The following SGCE variants were observed in gnomAD, a reference collection of about 807,000 sequenced individuals.
SGCE encodes epsilon-sarcoglycan.
SGCE carries 26 observed loss-of-function variants against 57.8 expected under a neutral mutation model. The ratio of observed to expected loss-of-function variants is 0.45; its 90% CI spans 0.33 to 0.62. The LOEUF (loss-of-function observed/expected upper bound fraction) is 0.62. Among genes scored for constraint, SGCE ranks in the 20% least tolerant of loss-of-function variants. The probability of loss-of-function intolerance (pLI) is 0.02; values close to 1 mark genes in which losing one functional copy is unlikely to be tolerated. For missense variants in SGCE, 468 were observed against 548.6 expected (o/e 0.85, Z 1.47); for synonymous variants, 183 against 189.5 (o/e 0.97, Z 0.28).
intron 1 of SGCE, among the ~76,000 whole-genome samples, chr7:94,632,622 C>T (rs928876636): frequency 6.6e-6 from 1 of 152,082 alleles, no homozygotes; most frequent in East Asian, 1.9e-4. Context: ...GACTAAGCCA[C>T]TATGTTTTGT....
Position 94,598,980 on chromosome 7 carries a change from TAAAAC to T in SGCE, c.1065-22_1065-18del, listed in dbSNP as rs766688362. 4.4e-6 allele frequency: 7 copies of T among 1,593,982 alleles called. No individual in the cohort carries two copies. Among genetic ancestry groups the T allele is most frequent in the Middle Eastern group, 1.7e-4 (1 of 6,042 alleles). On this transcript the variant is annotated intron_variant, in intron 8 of 10. Transcript: ENST00000648936. ...AGTTGGATGCTAGGTCAAAAAGAAA[TAAAAC>T]AACATATATTTAAAATCATATATTA...
chr7:94,616,041 C>G (rs73720693), intron 5 of SGCE, among the ~76,000 whole-genome samples: 436 of 152,266 alleles, frequency 2.9e-3, no homozygotes, highest in African/African-American at 0.01. Context: ...TGAAGTAAAT[C>G]TTCATAATCA....
intron 1 of SGCE, among the ~76,000 whole-genome samples, chr7:94,649,445 A>T (rs1218686733): frequency 2.0e-5 from 3 of 152,202 alleles, no homozygotes; most frequent in Non-Finnish European, 4.4e-5. Flanking sequence ...CTTCCAAAGC[A>T]GGGGAGCCAG....
At chr7:94,652,077 A>G (rs564772868) in intron 1 of SGCE, among the ~76,000 whole-genome samples, 75 of 152,120 alleles carry the variant, frequency 4.9e-4, no homozygotes, top group Non-Finnish European at 9.7e-4. Flanking sequence ...TGCTCCTCAC[A>G]TCTGTCTGTC....
intron 5 of SGCE, among the ~76,000 whole-genome samples, chr7:94,608,357 A>C (rs1256219625): frequency 2.6e-5 from 4 of 152,280 alleles, no homozygotes; most frequent in Middle Eastern, 6.8e-3. Context: ...TATAAATATA[A>C]GTCTAATAAA....
intron 10 of SGCE, chr7:94,588,469 C>G: frequency 1.5e-6 from 2 of 1,363,530 alleles, no homozygotes; most frequent in South Asian, 3.3e-5. Context: ...TCCATGGATG[C>G]TTTTGCTCTA....
chr7:94,600,517 G>A (rs896208592), intron 7 of SGCE, 129 bp downstream of exon 7: 23 of 702,344 alleles, frequency 3.3e-5, no homozygotes, highest in South Asian at 8.3e-5. Flanking sequence ...AAGTATTGCA[G>A]TTTGGACACA....
chr7:94,614,052 T>C (rs1037856907), intron 5 of SGCE, among the ~76,000 whole-genome samples: 3 of 149,834 alleles, frequency 2.0e-5, no homozygotes, highest in Non-Finnish European at 4.4e-5. Context: ...AATAATTCTC[T>C]TGCAAGCCAG....
At chr7:94,648,584 C>T (rs549407287) in intron 1 of SGCE, among the ~76,000 whole-genome samples, 18 of 152,224 alleles carry the variant, frequency 1.2e-4, no homozygotes, top group African/African-American at 4.3e-4. Flanking sequence ...CTGATAAGCA[C>T]ATGTAGTCAT....
At chr7:94,612,755 C>G (rs1294910090) in intron 5 of SGCE, among the ~76,000 whole-genome samples, 1 of 152,084 alleles carries the variant, frequency 6.6e-6, no homozygotes, top group Admixed American at 6.6e-5. Context: ...ATGTTCCAAA[C>G]TGAGCTCATC....
chr7:94,651,709 G>T (rs1307512857), intron 1 of SGCE, among the ~76,000 whole-genome samples: 1 of 152,166 alleles, frequency 6.6e-6, no homozygotes, highest in Admixed American at 6.5e-5. Flanking sequence ...TCAGTCTGTG[G>T]AAACTGGAGA....
chr7:94,605,771 C>T (rs1021500591), intron 5 of SGCE, among the ~76,000 whole-genome samples: 3 of 151,830 alleles, frequency 2.0e-5, no homozygotes, highest in Non-Finnish European at 2.9e-5. Context: ...AAAATAGAAA[C>T]AAAAAACAAA....
At chr7:94,655,593 G>T (rs112318154) in intron 1 of SGCE, among the ~76,000 whole-genome samples, 78 of 152,270 alleles carry the variant, frequency 5.1e-4, no homozygotes, top group Non-Finnish European at 8.4e-4. Flanking sequence ...CATCGCGGTC[G>T]CAGAGCCCAA....
At chr7:94,591,729 C>T (rs1261855097) in intron 9 of SGCE, among the ~76,000 whole-genome samples, 1 of 152,100 alleles carries the variant, frequency 6.6e-6, no homozygotes, top group Non-Finnish European at 1.5e-5. Flanking sequence ...TTCTAGCCTC[C>T]GTTTTTTCCT....
At chr7:94,624,173 A>C (rs572807880) in intron 3 of SGCE, 10 of 397,978 alleles carry the variant, frequency 2.5e-5, no homozygotes, top group African/African-American at 1.4e-4. Context: ...AAAAAAAAAA[A>C]AAAAAACAAA....
At chr7:94,649,930 T>C (rs983331207) in intron 1 of SGCE, among the ~76,000 whole-genome samples, 2 of 152,218 alleles carry the variant, frequency 1.3e-5, no homozygotes, top group Admixed American at 6.5e-5. Context: ...ATAGCTTTTG[T>C]AGAATCCGAA....
intron 1 of SGCE, among the ~76,000 whole-genome samples, chr7:94,634,050 C>A (rs138486956): frequency 2.0e-5 from 3 of 152,256 alleles, no homozygotes; most frequent in East Asian, 1.9e-4. Context: ...CTTCTGAAAT[C>A]TTTGAGAAGA....
Position 94,629,728 on chromosome 7 carries a change from G to A in SGCE, c.223C>T (p.Pro75Ser). Reference protein sequence around the residue: ...EYFKGEFPPYPKPGEISNDPI... With the variant: ...EYFKGEFPPYSKPGEISNDPI... Reference sequence around the variant, plus strand: ...CTCACAAAGAACATACCAGGTTTTGGGTAAGGTGGAAATTCCCCCTTAAAA... The same window carrying A: ...CTCACAAAGAACATACCAGGTTTTGAGTAAGGTGGAAATTCCCCCTTAAAA... Residue 75 changes from proline to serine, a missense_variant, in exon 2 of 11, where the codon CCA (proline) becomes TCA (serine). Coordinates refer to ENST00000648936, the MANE Select transcript of SGCE (RefSeq NM_003919.3). 1 of 1,610,896 alleles carries A rather than the reference G, an allele frequency of 6.2e-7. No homozygotes were observed. The highest frequency in any genetic ancestry group is 8.5e-7 in the Non-Finnish European group (1 of 1,177,698).
Position 94,656,092 on chromosome 7 carries a change from A to G in SGCE, c.7T>C (p.Leu3=), listed in dbSNP as rs1484799075. 6.2e-7 allele frequency: 1 copy of G among 1,604,064 alleles called. No individual in the cohort carries two copies. The highest frequency in any genetic ancestry group is 8.5e-7 in the Non-Finnish European group (1 of 1,171,066). The change falls in exon 1 of 11, where the codon TTG becomes CTG. Residue 3 remains leucine, a synonymous_variant. Transcript: ENST00000648936. ...TCTCCCAGCTCCCACCACCGGGGCA[A>G]TTGCATTCTTGGCCTGGCTAGGCCG... MQ[L]PRWWELGDPC... is the part of the protein sequence containing the mutation.
Sources: gnomAD v4.1 joint callset for allele counts (sites outside exome capture counted in the v4.1 genomes callset) on GRCh38, gnomAD v4.1.1 for gene constraint, MANE v1.5 for transcripts, NCBI Gene and HGNC (gene_info 2026-07-23, HGNC 2026-07-21) for gene names.